Variants in CAST observed in about 807,000 individuals in gnomAD.
CAST encodes the protein MIR583 host.
Under a neutral mutation model 119.6 loss-of-function variants are expected in CAST, and 76 were observed. That is an observed-to-expected ratio of 0.64 (90% CI 0.53 to 0.77). The LOEUF (loss-of-function observed/expected upper bound fraction) is 0.77, where lower values mean the gene tolerates loss of function less well. CAST is among the 30% of genes least tolerant of loss of function. The probability of loss-of-function intolerance (pLI) is 0.00; values close to 1 mark genes in which losing one functional copy is unlikely to be tolerated. For missense variants in CAST, 953 were observed against 946.5 expected (o/e 1.01, Z -0.09); for synonymous variants, 319 against 331.6 (o/e 0.96, Z 0.41).
the CAST span, among the ~76,000 whole-genome samples, chr5:96,352,860 C>T: frequency 1.3e-5 from 2 of 152,122 alleles, no homozygotes; most frequent in Admixed American, 1.3e-4. Context: ...TGTGGCACTT[C>T]CCCCCTTGCT....
the CAST span, among the ~76,000 whole-genome samples, chr5:96,031,232 CAAAAAAAA>C: frequency 1.6e-5 from 1 of 63,680 alleles, no homozygotes; most frequent in African/African-American, 6.0e-5. Context: ...AGAACATGAC[CAAAAAAAA>C]AAAAAAAAAA....
chr5:96,258,592 A>AC, the CAST span, among the ~76,000 whole-genome samples: 1 of 151,856 alleles, frequency 6.6e-6, no homozygotes, highest in Non-Finnish European at 1.5e-5. Flanking sequence ...TTGGAGACCC[A>AC]CCCCCCACCA....
chr5:95,997,994 C>T, the CAST span, among the ~76,000 whole-genome samples: 199 of 66,138 alleles, frequency 3.0e-3, no homozygotes, highest in Non-Finnish European at 3.9e-3. Context: ...TTTTCCTTTG[C>T]GGGTGGAGGT....
chr5:96,285,397 C>G, the CAST span, among the ~76,000 whole-genome samples: 1 of 152,152 alleles, frequency 6.6e-6, no homozygotes, highest in Non-Finnish European at 1.5e-5. Flanking sequence ...AGGTTTTAAC[C>G]TCAGGCTTGA....
intron 24 of CAST, among the ~76,000 whole-genome samples, 177 bp downstream of exon 24, chr5:96,757,831 CA>C (rs1766674037): frequency 6.6e-6 from 1 of 151,952 alleles, no homozygotes; most frequent in Admixed American, 6.6e-5. Context: ...GCTGGGACTA[CA>C]GGGGTGCACC....
the CAST span, among the ~76,000 whole-genome samples, chr5:96,119,938 A>C: frequency 6.6e-6 from 1 of 152,194 alleles, no homozygotes; most frequent in South Asian, 2.1e-4. Flanking sequence ...TTTTATCTAG[A>C]GAGGGTAAAA....
the CAST span, among the ~76,000 whole-genome samples, chr5:95,998,156 A>G: frequency 8.6e-5 from 13 of 151,882 alleles, no homozygotes; most frequent in Non-Finnish European, 1.8e-4. Context: ...TATATTTTAC[A>G]TCTCATAAAA....
chr5:96,326,232 T>C, the CAST span, among the ~76,000 whole-genome samples: 1 of 152,332 alleles, frequency 6.6e-6, no homozygotes, highest in African/African-American at 2.4e-5. Context: ...TAGTCCACCC[T>C]TTCCCAATCT....
At chr5:96,713,813 A>G (rs1756683041) in intron 3 of CAST, among the ~76,000 whole-genome samples, 1 of 152,014 alleles carries the variant, frequency 6.6e-6, no homozygotes, top group African/African-American at 2.4e-5. Flanking sequence ...CATCTCTACT[A>G]AAAATACAAA....
the CAST span, chr5:96,410,731 G>A: frequency 4.1e-5 from 59 of 1,452,108 alleles, no homozygotes; most frequent in East Asian, 7.7e-4. Flanking sequence ...TGCATGCCAC[G>A]CTCTCCTAAC....
chr5:96,487,957 C>T, the CAST span, among the ~76,000 whole-genome samples: 9 of 152,174 alleles, frequency 5.9e-5, no homozygotes, highest in Non-Finnish European at 1.2e-4. Context: ...ATTCCACTAA[C>T]CGTTAATAAC....
the CAST span, among the ~76,000 whole-genome samples, chr5:96,091,096 G>T: frequency 6.6e-6 from 1 of 152,162 alleles, no homozygotes; most frequent in Non-Finnish European, 1.5e-5. Flanking sequence ...TGTTTGTAGT[G>T]TAGGGTTGGG....
At chr5:96,117,165 C>T in the CAST span, among the ~76,000 whole-genome samples, 1 of 151,484 alleles carries the variant, frequency 6.6e-6, no homozygotes, top group Non-Finnish European at 1.5e-5. Flanking sequence ...TTCATTTTAC[C>T]TATTTTTTTT....
the CAST span, among the ~76,000 whole-genome samples, chr5:96,411,255 A>G: frequency 1.3e-5 from 2 of 152,238 alleles, no homozygotes; most frequent in Non-Finnish European, 2.9e-5. Flanking sequence ...TTCATAATCT[A>G]GCGTTTTGCA....
In CAST at chr5:96,740,785, T is replaced by A; in HGVS notation, c.918+2T>A. 6.4e-7 allele frequency: 1 copy of A among 1,566,642 alleles called. No homozygotes were observed. The highest frequency in any genetic ancestry group is 8.8e-7 in the Non-Finnish European group (1 of 1,136,306). ...ACAGGGCCTCCTGCAGACTCTTCGG[T>A]GAGTTTACATACATGTCTTCTGATC... On this transcript the variant is annotated splice_donor_variant, in intron 13 of 31. Coordinates refer to ENST00000675179, the MANE Select transcript of CAST (RefSeq NM_001750.7). LOFTEE classifies it high-confidence loss of function.
chr5:96,301,461 A>G, the CAST span, among the ~76,000 whole-genome samples: 1 of 152,288 alleles, frequency 6.6e-6, no homozygotes, highest in Non-Finnish European at 1.5e-5. Flanking sequence ...GTCTTAACTC[A>G]TTCCATTATT....
chr5:96,341,650 A>G, the CAST span, among the ~76,000 whole-genome samples: 2 of 152,050 alleles, frequency 1.3e-5, no homozygotes, highest in African/African-American at 2.4e-5. Context: ...TTTAGATTAA[A>G]CTTTCAGATA....
At chr5:96,694,838 A>AT (rs1446964243) in intron 2 of CAST, among the ~76,000 whole-genome samples, 1 of 152,206 alleles carries the variant, frequency 6.6e-6, no homozygotes, top group African/African-American at 2.4e-5. Context: ...CCCAAGAAGG[A>AT]TTTTTTAAAA....
chr5:96,015,920 T>C, the CAST span, among the ~76,000 whole-genome samples: 3 of 152,190 alleles, frequency 2.0e-5, no homozygotes, highest in Non-Finnish European at 4.4e-5. Context: ...TAGACTATAG[T>C]CTCCAGTGTA....
Sources: gnomAD v4.1 joint callset for allele counts (sites outside exome capture counted in the v4.1 genomes callset) on GRCh38, gnomAD v4.1.1 for gene constraint, MANE v1.5 for transcripts, NCBI Gene and HGNC (gene_info 2026-07-23, HGNC 2026-07-21) for gene names.